The following SDK1 variants were observed in gnomAD, a reference collection of about 807,000 sequenced individuals.
SDK1 encodes protein sidekick-1.
Under a neutral mutation model 245.5 loss-of-function variants are expected in SDK1, and 157 were observed. That is an observed-to-expected ratio of 0.64 (90% CI 0.56 to 0.73). SDK1 has a LOEUF of 0.73. Among genes scored for constraint, SDK1 ranks in the 30% least tolerant of loss-of-function variants. SDK1 has a pLI of 0.00. For missense variants in SDK1, 3,583 were observed against 3,002.3 expected (o/e 1.19, Z -4.52); for synonymous variants, 1,647 against 1,278.5 (o/e 1.29, Z -6.15).
At chr7:3,733,829 T>C (rs1397533326) in intron 4 of SDK1, among the ~76,000 whole-genome samples, 2 of 152,184 alleles carry the variant, frequency 1.3e-5, no homozygotes, top group East Asian at 1.9e-4. Flanking sequence ...ATTATGACTA[T>C]TGTGAGAACA....
At chr7:3,332,683 T>C (rs913207857) in intron 1 of SDK1, among the ~76,000 whole-genome samples, 7 of 152,126 alleles carry the variant, frequency 4.6e-5, no homozygotes, top group Non-Finnish European at 8.8e-5. Context: ...GAAGAACTTA[T>C]AGGAATGTCA....
chr7:3,372,313 G>C (rs1781248390), intron 1 of SDK1, among the ~76,000 whole-genome samples: 1 of 152,160 alleles, frequency 6.6e-6, no homozygotes, highest in South Asian at 2.1e-4. Flanking sequence ...CAACACAACT[G>C]ATCAGGAAGT....
At chr7:3,882,383 C>T (rs1034036429) in intron 5 of SDK1, among the ~76,000 whole-genome samples, 4 of 152,258 alleles carry the variant, frequency 2.6e-5, no homozygotes, top group East Asian at 1.9e-4. Flanking sequence ...AGGTCAATGC[C>T]GTATGAGCCA....
intron 28 of SDK1, among the ~76,000 whole-genome samples, chr7:4,140,081 C>T (rs59702764): frequency 3.0e-3 from 457 of 152,238 alleles, no homozygotes; most frequent in African/African-American, 0.01. Context: ...CCCCTGTCAC[C>T]ACCTCCCTGG....
chr7:3,331,623 G>A (rs1780071123), intron 1 of SDK1, among the ~76,000 whole-genome samples: 1 of 152,100 alleles, frequency 6.6e-6, no homozygotes, highest in African/African-American at 2.4e-5. Flanking sequence ...TAATTCTGAT[G>A]TCCACTTTAT....
intron 38 of SDK1, 118 bp downstream of exon 38, chr7:4,210,280 A>C (rs1168988857): frequency 9.0e-7 from 1 of 1,110,148 alleles, no homozygotes; most frequent in Non-Finnish European, 1.2e-6. Context: ...CTGGCGCCTG[A>C]AGTGGGGGGT....
intron 30 of SDK1, among the ~76,000 whole-genome samples, chr7:4,156,563 G>T (rs539649996): frequency 2.6e-5 from 4 of 152,230 alleles, no homozygotes; most frequent in Non-Finnish European, 5.9e-5. Context: ...GGAAAAGCAG[G>T]CCTTGAGGTG....
At chr7:4,140,418 G>A (rs1482715748) in intron 28 of SDK1, among the ~76,000 whole-genome samples, 3 of 152,152 alleles carry the variant, frequency 2.0e-5, no homozygotes, top group Admixed American at 6.5e-5. Flanking sequence ...TGGGACCCCC[G>A]GCCCCACGAT....
intron 9 of SDK1, among the ~76,000 whole-genome samples, chr7:3,966,145 G>T (rs1782066165): frequency 6.6e-6 from 1 of 152,020 alleles, no homozygotes; most frequent in South Asian, 2.1e-4. Flanking sequence ...ACCTGTTAGG[G>T]GGCCTGCGGC....
chr7:3,404,649 C>T (rs759117087), intron 1 of SDK1, among the ~76,000 whole-genome samples: 11 of 152,186 alleles, frequency 7.2e-5, no homozygotes, highest in Non-Finnish European at 1.2e-4. Context: ...CCAGTTGATT[C>T]TTATCAGTCT....
intron 4 of SDK1, among the ~76,000 whole-genome samples, chr7:3,725,413 C>G (rs898064066): frequency 1.3e-5 from 2 of 152,130 alleles, no homozygotes; most frequent in Admixed American, 6.5e-5. Context: ...GGCTGTTCGC[C>G]TTGCAATCAG....
intron 13 of SDK1, among the ~76,000 whole-genome samples, chr7:3,986,186 T>A (rs1783814150): frequency 1.5e-5 from 2 of 134,772 alleles, no homozygotes; most frequent in South Asian, 5.8e-4. Context: ...ACTGGTTAAG[T>A]CCCAGTAAAA....
rs371714565 is a variant in SDK1, at chr7:4,139,493, ATGTG to A, written c.4229-6221_4229-6218del. ...TGTGTGTGTATATGTGTGTGTATAT[ATGTG>A]TGTGTGTATATGTATATATGTGTGT... On this transcript the variant is annotated intron_variant, in intron 28 of 44. Coordinates refer to ENST00000404826, the MANE Select transcript of SDK1 (RefSeq NM_152744.4). 7.7e-5 allele frequency among the ~76,000 whole-genome samples: 4 copies of A among 52,154 alleles called. No individual in the cohort carries two copies. In the South Asian group the frequency reaches 2.7e-3, roughly 35 times the overall value. 34.2% of individuals were successfully genotyped at this position (52,154 alleles called of 152,430 possible).
At chr7:3,520,618 C>G (rs1448353608) in intron 1 of SDK1, among the ~76,000 whole-genome samples, 2 of 152,142 alleles carry the variant, frequency 1.3e-5, no homozygotes, top group Admixed American at 1.3e-4. Context: ...GACCTGCTTC[C>G]TTAAGAATTC....
intron 4 of SDK1, among the ~76,000 whole-genome samples, chr7:3,748,314 C>T (rs1779684056): frequency 6.6e-6 from 1 of 152,030 alleles, no homozygotes; most frequent in Admixed American, 6.5e-5. Context: ...CCCGGATTCT[C>T]TAAAAATGAA....
At chr7:3,806,247 A>G (rs926119175) in intron 4 of SDK1, among the ~76,000 whole-genome samples, 41 of 152,236 alleles carry the variant, frequency 2.7e-4, no homozygotes, top group African/African-American at 9.9e-4. Flanking sequence ...CCATATCTGC[A>G]AAGTCCCTTT....
intron 31 of SDK1, among the ~76,000 whole-genome samples, chr7:4,159,383 G>A (rs532210936): frequency 2.6e-5 from 4 of 152,296 alleles, no homozygotes; most frequent in Non-Finnish European, 5.9e-5. Flanking sequence ...ACCATTCCCG[G>A]CTTCTCAGCA....
chr7:3,695,751 A>G (rs978257378), intron 4 of SDK1, among the ~76,000 whole-genome samples: 16 of 152,210 alleles, frequency 1.1e-4, no homozygotes, highest in Admixed American at 7.2e-4. Context: ...TTCCGGTGAC[A>G]TAAATCTTCA....
At chr7:3,819,516 T>C (rs117882469) in intron 4 of SDK1, among the ~76,000 whole-genome samples, 1 of 152,136 alleles carries the variant, frequency 6.6e-6, no homozygotes, top group Non-Finnish European at 1.5e-5. Flanking sequence ...AATTGTACTA[T>C]TAAATGTGTA....
Sources: gnomAD v4.1 joint callset for allele counts (sites outside exome capture counted in the v4.1 genomes callset) on GRCh38, gnomAD v4.1.1 for gene constraint, MANE v1.5 for transcripts, NCBI Gene and HGNC (gene_info 2026-07-23, HGNC 2026-07-21) for gene names.